EPB41L4B: variants seen among roughly 807,000 people sequenced by gnomAD.
The protein encoded by EPB41L4B is erythrocyte membrane protein band 4.1 like 4B.
In EPB41L4B, 30 loss-of-function variants were observed where a neutral mutation model predicts 112.5. The ratio of observed to expected loss-of-function variants is 0.27; its 90% CI spans 0.20 to 0.36. The LOEUF is 0.36. Among genes scored for constraint, EPB41L4B ranks in the 10% least tolerant of loss-of-function variants. The pLI, the probability that EPB41L4B is intolerant of heterozygous loss-of-function variation, is 1.00. For missense variants in EPB41L4B, 1,024 were observed against 1,133.3 expected (o/e 0.90, Z 1.38); for synonymous variants, 408 against 439.7 (o/e 0.93, Z 0.90).
chr9:109,236,412 C>A (rs1441467984), intron 15 of EPB41L4B, among the ~76,000 whole-genome samples: 2 of 150,516 alleles, frequency 1.3e-5, no homozygotes, highest in African/African-American at 4.9e-5. Context: ...TAACATTATG[C>A]CTATTTAAAA....
At chr9:109,299,642 G>C (rs539941517) in intron 1 of EPB41L4B, among the ~76,000 whole-genome samples, 1 of 152,108 alleles carries the variant, frequency 6.6e-6, no homozygotes, top group Non-Finnish European at 1.5e-5. Context: ...AAAGTGCACA[G>C]ATCATACATG....
At chr9:109,180,940 C>T (rs1385950122) in intron 24 of EPB41L4B, among the ~76,000 whole-genome samples, 1 of 150,380 alleles carries the variant, frequency 6.6e-6, no homozygotes, top group Non-Finnish European at 1.5e-5. Flanking sequence ...GAGTTGAGCC[C>T]TGAAAAGAAG....
chr9:109,216,128 T>C (rs1286138344), intron 16 of EPB41L4B, among the ~76,000 whole-genome samples: 2 of 152,214 alleles, frequency 1.3e-5, no homozygotes, highest in East Asian at 3.8e-4. Flanking sequence ...AAGTAGAAAG[T>C]CCAGCCATCA....
intron 15 of EPB41L4B, chr9:109,240,986 T>C (rs894435405): frequency 5.5e-5 from 54 of 985,314 alleles, no homozygotes; most frequent in Non-Finnish European, 6.4e-5. Context: ...AGATGTGAAA[T>C]TCAAAGTCCC....
chr9:109,317,056 G>A (rs1193471219), intron 1 of EPB41L4B, among the ~76,000 whole-genome samples: 2 of 152,094 alleles, frequency 1.3e-5, no homozygotes, highest in Non-Finnish European at 1.5e-5. Flanking sequence ...AGTGAGCTGT[G>A]GTCGTACTAC....
intron 6 of EPB41L4B, among the ~76,000 whole-genome samples, chr9:109,258,739 C>T (rs10979778): frequency 6.6e-6 from 1 of 152,196 alleles, no homozygotes; most frequent in African/African-American, 2.4e-5. Context: ...ATCAAGAATT[C>T]GGCACATGCA....
chr9:109,279,756 G>A (rs1463198502), intron 2 of EPB41L4B, 61 bp downstream of exon 2: 3 of 1,357,918 alleles, frequency 2.2e-6, no homozygotes, highest in African/African-American at 2.9e-5. Flanking sequence ...TAGCAACTGT[G>A]GACGTGCAAT....
chr9:109,216,379 G>A (rs1298740225), intron 16 of EPB41L4B, among the ~76,000 whole-genome samples: 2 of 152,158 alleles, frequency 1.3e-5, no homozygotes, highest in African/African-American at 4.8e-5. Context: ...GGTGGCTCAC[G>A]CCTGTAATCC....
At chr9:109,274,391 C>A (rs1184968182) in intron 2 of EPB41L4B, among the ~76,000 whole-genome samples, 2 of 152,166 alleles carry the variant, frequency 1.3e-5, no homozygotes, top group Non-Finnish European at 2.9e-5. Context: ...AGTGTTCACC[C>A]TTTCTCTTGG....
intron 19 of EPB41L4B, among the ~76,000 whole-genome samples, chr9:109,201,584 G>A (rs527994088): frequency 6.6e-6 from 1 of 152,270 alleles, no homozygotes; most frequent in African/African-American, 2.4e-5. Context: ...CATGGTCCCT[G>A]AAGAACGTAT....
At chr9:109,218,475 C>G (rs1352442019) in intron 15 of EPB41L4B, among the ~76,000 whole-genome samples, 2 of 152,116 alleles carry the variant, frequency 1.3e-5, no homozygotes, top group African/African-American at 4.8e-5. Context: ...CTTTGAAAAT[C>G]TGGTGAATAC....
intron 1 of EPB41L4B, among the ~76,000 whole-genome samples, chr9:109,316,054 G>T (rs1049444793): frequency 6.6e-6 from 1 of 152,110 alleles, no homozygotes; most frequent in African/African-American, 2.4e-5. Context: ...GTTGCACCAT[G>T]AGGCCTTCCC....
Position 109,194,213 on chromosome 9 carries a change from C to T in EPB41L4B, c.2223+7G>A, listed in dbSNP as rs202182294. On this transcript the variant is annotated splice_region_variant and intron_variant, in intron 21 of 25. Transcript: ENST00000374566. ...GCTGCTCGCCAGGGCTTTCCACCCC[C>T]CAATACCTTGGCCCCAGGGGACAGC... The T allele has an allele frequency of 1.2e-6, 2 of 1,613,618 alleles. No individual in the cohort carries two copies. Among genetic ancestry groups the T allele is most frequent in the East Asian group, 2.2e-5 (1 of 44,888 alleles).
chr9:109,233,326 T>C (rs1834017116), intron 15 of EPB41L4B, among the ~76,000 whole-genome samples: 1 of 152,140 alleles, frequency 6.6e-6, no homozygotes, highest in South Asian at 2.1e-4. Context: ...CCTTGGTCAA[T>C]GCACCAGGGA....
In EPB41L4B at chr9:109,251,373, C is replaced by T. The variant is rs548841645; in HGVS notation, c.1310+108G>A. The T allele has an allele frequency of 1.9e-4, 203 of 1,075,654 alleles. 1 individual carries two copies. In the South Asian group the frequency reaches 2.5e-3, roughly 13 times the overall value. 66.6% of individuals were successfully genotyped at this position (1,075,654 alleles called of 1,614,324 possible). On this transcript the variant is annotated intron_variant, in intron 13 of 25. Transcript: ENST00000374566. ...CAGCAGAAAAAGGGGAAAAAAATTA[C>T]CAGATGACACACTTCCTGATTTCAC...
intron 20 of EPB41L4B, among the ~76,000 whole-genome samples, chr9:109,197,371 TA>T (rs1832677529): frequency 6.6e-6 from 1 of 151,804 alleles, no homozygotes; most frequent in South Asian, 2.1e-4. Context: ...TGCAGTGAGC[TA>T]AGACTGAGCC....
intron 1 of EPB41L4B, among the ~76,000 whole-genome samples, chr9:109,286,522 G>A (rs961312825): frequency 8.5e-5 from 13 of 152,166 alleles, no homozygotes; most frequent in Non-Finnish European, 1.5e-4. Context: ...CAGAAGACGA[G>A]TTACTGTGAC....
At chr9:109,278,674 C>A (rs1047312145) in intron 2 of EPB41L4B, among the ~76,000 whole-genome samples, 1 of 152,180 alleles carries the variant, frequency 6.6e-6, no homozygotes, top group Non-Finnish European at 1.5e-5. Flanking sequence ...TCCCCTCCCC[C>A]CAGTCCACCC....
At chr9:109,211,904 T>TGGGG (rs10683465) in intron 17 of EPB41L4B, among the ~76,000 whole-genome samples, 5,370 of 148,276 alleles carry the variant, frequency 0.036, 149 homozygotes, top group Non-Finnish European at 0.052. Flanking sequence ...ATAGTAGAGA[T>TGGGG]GGGGGGGGTC....
Sources: allele counts gnomAD v4.1 joint callset (sites outside exome capture counted in the v4.1 genomes callset), GRCh38; gene constraint gnomAD v4.1.1; transcripts MANE v1.5; gene names NCBI Gene and HGNC (gene_info 2026-07-23, HGNC 2026-07-21).